Variants in RGS1 observed in about 807,000 individuals in gnomAD.
RGS1 encodes the protein B-cell activation protein BL34.
In RGS1, 11 loss-of-function variants were observed where a neutral mutation model predicts 22.2. That is an observed-to-expected ratio of 0.50 (90% CI 0.31 to 0.82). The LOEUF is 0.82. RGS1 is among the 40% of genes least tolerant of loss of function. The pLI, the probability that RGS1 is intolerant of heterozygous loss-of-function variation, is 0.04. For synonymous variants in RGS1, 81 were observed against 79.9 expected, an observed-to-expected ratio of 1.01 and a Z score of -0.07; for missense variants, 255 against 245.8, an observed-to-expected ratio of 1.04 and a Z score of -0.25.
intron 3 of RGS1, chr1:192,578,010 C>G: frequency 1.8e-6 from 1 of 567,428 alleles, no homozygotes; most frequent in Non-Finnish European, 3.0e-6. Flanking sequence ...ATGAGTTTGT[C>G]TGGCCCCAGA....
At position 192,578,041 on chromosome 1, in the gene RGS1, A is replaced by G. The variant is rs990564038; in HGVS notation, c.281-181A>G. ...CCAGATTCCTCTTCTATGAATGAAG[A>G]AATTTCAAATGACTTCTCATCTCTA... On this transcript the variant is annotated intron_variant, in intron 3 of 4. Coordinates refer to ENST00000367459, the MANE Select transcript of RGS1 (RefSeq NM_002922.4). 9 of 700,306 alleles carry G rather than the reference A, an allele frequency of 1.3e-5. No individual in the cohort carries two copies. The African/African-American group carries it at 1.6e-4, about 13-fold the overall frequency. 43.4% of individuals were successfully genotyped at this position (700,306 alleles called of 1,614,324 possible). A position where few individuals can be genotyped will look rare whatever the true frequency, so the allele number is the denominator to read the frequency against.
Position 192,575,798 on chromosome 1 carries a change from C to G in RGS1, c.6C>G (p.Arg2=). 6.2e-7 allele frequency: 1 copy of G among 1,613,048 alleles called. No individual in the cohort carries two copies. The highest frequency in any genetic ancestry group is 8.5e-7 in the Non-Finnish European group (1 of 1,179,254). Residue 2 remains arginine (R), a synonymous_variant, in exon 1 of 5, where the codon CGC becomes CGG. Coordinates refer to ENST00000367459, the MANE Select transcript of RGS1 (RefSeq NM_002922.4). ...GCATATTTGCTAAGAGCACCATGCG[C>G]GCAGCAGCCATCTCCACTCCAAAGT... The part of the protein sequence containing the change: M[R]AAAISTPKLD...
At chr1:192,578,811 C>T (rs1204859188) in intron 4 of RGS1, 1 of 352,754 alleles carries the variant, frequency 2.8e-6, no homozygotes, top group Non-Finnish European at 5.0e-6. Context: ...ACAAAAAGAG[C>T]CTTCTTCTCC....
chr1:192,577,271 T>G (rs575470812), intron 3 of RGS1: 1 of 154,710 alleles, frequency 6.5e-6, no homozygotes, highest in African/African-American at 2.4e-5. Flanking sequence ...CTCACCCTTA[T>G]GTAGAGGACA....
rs138179272 is a variant in RGS1 at position 192,575,855 on chromosome 1, T to C, written c.63T>C (p.Ala21=). The C allele has an allele frequency of 5.6e-5, 90 of 1,613,448 alleles. No individual in the cohort carries two copies. In the Admixed American group the frequency reaches 1.1e-3, roughly 20 times the overall value. ...AAATGCCAGGAATGTTCTTCTCTGC[T>C]AACCCAAAGGAATTGAAAGGAACCA... The part of the protein sequence containing the change: ...LDKMPGMFFS[A]NPKELKGTTH... Residue 21 remains alanine (A), a synonymous_variant, in exon 1 of 5, where the codon GCT becomes GCC. Coordinates refer to ENST00000367459, the MANE Select transcript of RGS1 (RefSeq NM_002922.4).
In RGS1 at chr1:192,579,193, C is replaced by A; in HGVS notation, c.501C>A (p.Thr167=). 6.2e-7 allele frequency: 1 copy of A among 1,613,230 alleles called. No homozygotes were observed. The highest frequency in any genetic ancestry group is 8.5e-7 in the Non-Finnish European group (1 of 1,179,476). The part of the protein sequence containing the change: ...ESTAKKIKAP[T]PTCFDEAQKV... The stretch of plus-strand genomic sequence containing the variant: ...CAGCCAAGAAGATTAAAGCACCAAC[C>A]CCCACGTGTTTTGATGAAGCACAAA... The change falls in exon 5 of 5, where the codon ACC becomes ACA. Residue 167 remains threonine, a synonymous_variant. Transcript: ENST00000367459.
intron 3 of RGS1, chr1:192,577,790 T>C (rs975384304): frequency 1.7e-5 from 3 of 176,252 alleles, no homozygotes; most frequent in Admixed American, 5.4e-5. Flanking sequence ...TTCTGGCTAA[T>C]ATAAATTAGA....
In RGS1 at chr1:192,579,408, CT is replaced by C; in HGVS notation, c.*92del. ...TGGCTCCCTGGGTGAACAGCTTGGCCTTTTTTGGGTGTCTTGACAGGCCAAG... is the reference window on the plus strand; with the variant it reads ...TGGCTCCCTGGGTGAACAGCTTGGCCTTTTTGGGTGTCTTGACAGGCCAAG... On this transcript the variant is annotated 3_prime_UTR_variant, in exon 5 of 5. Coordinates refer to ENST00000367459, the MANE Select transcript of RGS1 (RefSeq NM_002922.4). The C allele has an allele frequency of 6.9e-6, 9 of 1,299,926 alleles. No individual in the cohort carries two copies. The highest frequency in any genetic ancestry group is 2.7e-5 in the South Asian group (2 of 74,976). The allele number at this position is 1,299,926 out of a possible 1,614,324, so 80.5% of individuals were successfully genotyped here.
chr1:192,576,895 T>TG, intron 3 of RGS1, 60 bp downstream of exon 3: 1 of 1,402,220 alleles, frequency 7.1e-7, no homozygotes, highest in Admixed American at 1.7e-5. Flanking sequence ...ATTGAATGGC[T>TG]TCACTAAATA....
In RGS1 at chr1:192,576,468, C is replaced by T. The variant is rs1038978700; in HGVS notation, c.218+103C>T. 15 of 809,970 alleles carry T rather than the reference C, an allele frequency of 1.9e-5. No homozygotes were observed. The African/African-American group carries it at 2.6e-4, about 14-fold the overall frequency. 50.2% of individuals were successfully genotyped at this position (809,970 alleles called of 1,614,324 possible). On this transcript the variant is annotated intron_variant, in intron 2 of 4. Transcript: ENST00000367459. ...GATAAATACTGCGCACAGTAGACTT[C>T]ATTTCTTTTAAGTAACATGCCAAAT...
chr1:192,578,073 A>G (rs1662095284), intron 3 of RGS1, 149 bp from the exon 4 acceptor site: 2 of 927,748 alleles, frequency 2.2e-6, no homozygotes, highest in East Asian at 2.6e-5. Context: ...TCTACAATCT[A>G]TAACACAGCT....
chr1:192,576,759 T>C lies in RGS1; in HGVS notation c.219-15T>C, dbSNP rs377284124. The C allele has an allele frequency of 5.6e-6, 9 of 1,609,014 alleles. No individual in the cohort carries two copies. The highest frequency in any genetic ancestry group is 4.5e-5 in the East Asian group (2 of 44,706). On this transcript the variant is annotated splice_polypyrimidine_tract_variant and intron_variant, in intron 2 of 4. Transcript: ENST00000367459. ...TTAAAAATTGACTAATGTATGTACA[T>C]TTTGTCCCCTGCAGACTTTCTGCTG...
intron 4 of RGS1, 101 bp downstream of exon 4, chr1:192,578,486 T>C: frequency 1.5e-6 from 2 of 1,332,620 alleles, no homozygotes; most frequent in Non-Finnish European, 2.1e-6. Flanking sequence ...TTGGGGTATA[T>C]AATTTTACTT....
At chr1:192,576,410 A>G (rs770835460) in intron 2 of RGS1, 45 bp downstream of exon 2, 3 of 1,364,888 alleles carry the variant, frequency 2.2e-6, no homozygotes, top group Non-Finnish European at 3.1e-6. Context: ...TTTACAAGAG[A>G]AGCCTATGCA....
intron 4 of RGS1, 96 bp downstream of exon 4, chr1:192,578,481 G>A (rs753247315): frequency 5.6e-6 from 8 of 1,424,452 alleles, no homozygotes; most frequent in Non-Finnish European, 7.7e-6. Flanking sequence ...TCCTTTTGGG[G>A]TATATAATTT....
chr1:192,578,788 G>C (rs1662109637), intron 4 of RGS1: 1 of 358,456 alleles, frequency 2.8e-6, no homozygotes. Flanking sequence ...CTTGGTCCAA[G>C]CAGAAAATAT....
At chr1:192,576,565 T>C (rs1021052545) in intron 2 of RGS1, 200 bp downstream of exon 2, 7 of 643,220 alleles carry the variant, frequency 1.1e-5, no homozygotes, top group Non-Finnish European at 1.0e-5. Flanking sequence ...TTTATCTATT[T>C]GGATTTTTTC....
chr1:192,579,393 G>A lies in RGS1; in HGVS notation c.*71G>A, dbSNP rs1662127588. 40 of 1,471,808 alleles carry A rather than the reference G, an allele frequency of 2.7e-5. No homozygotes were observed. The highest frequency in any genetic ancestry group is 3.7e-5 in the Non-Finnish European group (40 of 1,075,476). The allele number at this position is 1,471,808 out of a possible 1,614,324, so 91.2% of individuals were successfully genotyped here. A position where few individuals can be genotyped will look rare whatever the true frequency, so the allele number is the denominator to read the frequency against. On this transcript the variant is annotated 3_prime_UTR_variant, in exon 5 of 5. Coordinates refer to ENST00000367459, the MANE Select transcript of RGS1 (RefSeq NM_002922.4). The stretch of plus-strand genomic sequence containing the variant: ...AGGAATGTGCCAGTATGGCTCCCTG[G>A]GTGAACAGCTTGGCCTTTTTTGGGT...
At chr1:192,577,433 T>C (rs1392192882) in intron 3 of RGS1, 1 of 152,086 alleles carries the variant, frequency 6.6e-6, no homozygotes, top group Non-Finnish European at 1.5e-5. Context: ...TATAGTCTTG[T>C]GGAGATTTTC....
Sources: allele counts gnomAD v4.1 joint callset, GRCh38; gene constraint gnomAD v4.1.1; transcripts MANE v1.5; gene names NCBI Gene and HGNC (gene_info 2026-07-23, HGNC 2026-07-21).